The following PIK3C2G variants were observed in gnomAD, a reference collection of about 807,000 sequenced individuals.
The protein encoded by PIK3C2G is phosphatidylinositol 3-kinase C2 domain-containing subunit gamma.
In PIK3C2G, 168 loss-of-function variants were observed where a neutral mutation model predicts 181.1. The ratio of observed to expected loss-of-function variants is 0.93; its 90% confidence interval spans 0.82 to 1.05. The LOEUF (loss-of-function observed/expected upper bound fraction) is 1.05. Ranked by LOEUF, PIK3C2G falls within the 50% of genes least tolerant of loss-of-function variation. The pLI, the probability that PIK3C2G is intolerant of heterozygous loss-of-function variation, is 0.00. For synonymous variants in PIK3C2G, 573 were observed against 592.2 expected (o/e 0.97, Z 0.47); for missense variants, 1,869 against 1,732.8 (o/e 1.08, Z -1.40).
intron 1 of PIK3C2G, among the ~76,000 whole-genome samples, chr12:18,277,757 T>C (rs1477191225): frequency 1.3e-5 from 2 of 152,178 alleles, no homozygotes; most frequent in Non-Finnish European, 2.9e-5. Flanking sequence ...GAATGATATT[T>C]ACACCTTTAT....
At chr12:18,586,863 T>C (rs1245022556) in intron 29 of PIK3C2G, among the ~76,000 whole-genome samples, 1 of 151,990 alleles carries the variant, frequency 6.6e-6, no homozygotes, top group Non-Finnish European at 1.5e-5. Flanking sequence ...TTCACCACAA[T>C]GAAGTAGGCT....
the PIK3C2G span, among the ~76,000 whole-genome samples, chr12:18,669,410 A>C: frequency 6.6e-6 from 1 of 152,244 alleles, no homozygotes; most frequent in Admixed American, 6.5e-5. Flanking sequence ...AATTATCCTC[A>C]CTTTAAATAA....
intron 26 of PIK3C2G, among the ~76,000 whole-genome samples, chr12:18,556,746 T>G (rs1945034772): frequency 6.6e-6 from 1 of 152,166 alleles, no homozygotes; most frequent in Non-Finnish European, 1.5e-5. Context: ...GAAATAATGT[T>G]TTGTACTGCA....
chr12:18,624,707 A>G (rs1949017988), intron 31 of PIK3C2G, among the ~76,000 whole-genome samples: 1 of 151,472 alleles, frequency 6.6e-6, no homozygotes, highest in South Asian at 2.1e-4. Flanking sequence ...TTACTGCTTC[A>G]ATCTCTTCTC....
At chr12:18,546,182 G>A in intron 25 of PIK3C2G, 141 bp from the exon 26 acceptor site, 1 of 590,538 alleles carries the variant, frequency 1.7e-6, no homozygotes, top group South Asian at 2.1e-5. Context: ...GAACTTATAT[G>A]CATTCGTGTA....
intron 1 of PIK3C2G, among the ~76,000 whole-genome samples, chr12:18,271,296 C>T (rs1253403236): frequency 6.6e-6 from 1 of 152,106 alleles, no homozygotes; most frequent in East Asian, 1.9e-4. Flanking sequence ...TTACACTTGG[C>T]TCAGCATTTT....
At chr12:18,339,220 CTTA>C (rs928561285) in intron 9 of PIK3C2G, among the ~76,000 whole-genome samples, 2 of 151,998 alleles carry the variant, frequency 1.3e-5, no homozygotes, top group African/African-American at 4.8e-5. Context: ...ATTCATTTAT[CTTA>C]TTATTAGTTT....
intron 18 of PIK3C2G, among the ~76,000 whole-genome samples, chr12:18,477,097 C>T (rs753140242): frequency 3.3e-5 from 5 of 152,036 alleles, no homozygotes; most frequent in Non-Finnish European, 5.9e-5. Context: ...TCTCTGTGTG[C>T]GTGTGCTCTC....
At chr12:18,617,287 A>T (rs56261709) in intron 31 of PIK3C2G, among the ~76,000 whole-genome samples, 4,701 of 152,188 alleles carry the variant, frequency 0.031, 80 homozygotes, top group Middle Eastern at 0.065. Context: ...GCAAATAAAC[A>T]CGTGATACAT....
chr12:18,722,784 G>A, the PIK3C2G span, among the ~76,000 whole-genome samples: 15 of 151,992 alleles, frequency 9.9e-5, no homozygotes, highest in East Asian at 2.3e-3. Flanking sequence ...TGAAGAACAA[G>A]CGAAAAGTAT....
At chr12:18,534,874 G>C (rs1018859971) in intron 24 of PIK3C2G, among the ~76,000 whole-genome samples, 2 of 151,372 alleles carry the variant, frequency 1.3e-5, no homozygotes, top group African/African-American at 4.8e-5. Context: ...GAACAGGTGG[G>C]ACTTTGGTAA....
chr12:18,516,688 A>G (rs551105775), intron 24 of PIK3C2G, among the ~76,000 whole-genome samples: 2 of 151,784 alleles, frequency 1.3e-5, no homozygotes, highest in East Asian at 3.9e-4. Flanking sequence ...CTGATTGGGT[A>G]ATTTCACATA....
chr12:18,665,170 TA>T, the PIK3C2G span, among the ~76,000 whole-genome samples: 11 of 148,106 alleles, frequency 7.4e-5, no homozygotes, highest in African/African-American at 1.2e-4. Flanking sequence ...TAATAAAAAA[TA>T]AAAAAAAATT....
At chr12:18,711,032 A>C in the PIK3C2G span, among the ~76,000 whole-genome samples, 1 of 152,038 alleles carries the variant, frequency 6.6e-6, no homozygotes, top group African/African-American at 2.4e-5. Context: ...TCCCATTACT[A>C]GGTATATACC....
chr12:18,499,285 C>A (rs1048854380), intron 22 of PIK3C2G, among the ~76,000 whole-genome samples: 3 of 152,150 alleles, frequency 2.0e-5, no homozygotes, highest in Non-Finnish European at 4.4e-5. Context: ...AAATAGAGAT[C>A]ATTAAAACAA....
chr12:18,563,528 C>T (rs2136338653), intron 28 of PIK3C2G, 30 bp downstream of exon 28: 1 of 1,607,850 alleles, frequency 6.2e-7, no homozygotes, highest in East Asian at 2.2e-5. Context: ...CATTGTTTTG[C>T]CTTCAGTACT....
intron 16 of PIK3C2G, among the ~76,000 whole-genome samples, chr12:18,408,963 G>A (rs1352395740): frequency 5.9e-5 from 9 of 152,148 alleles, no homozygotes; most frequent in Non-Finnish European, 1.0e-4. Context: ...GTGTAAATTA[G>A]TTCAACCTTT....
chr12:18,391,175 T>C lies in PIK3C2G; in HGVS notation c.2049T>C (p.Asn683=), dbSNP rs1943510285. 6.2e-7 allele frequency: 1 copy of C among 1,609,114 alleles called. No individual in the cohort carries two copies. Among genetic ancestry groups the C allele is most frequent in the South Asian group, 1.1e-5 (1 of 90,536 alleles). ...WEYMKPDSEE[N]RSNLEEPLKE... The stretch of plus-strand genomic sequence containing the variant: ...ATATGAAACCTGATTCTGAAGAGAA[T>C]AGAAGTAATCTTGAAGAGCCACTAA... The change falls in exon 15 of 33, where the codon AAT becomes AAC. Residue 683 remains asparagine (N), a synonymous_variant. Coordinates refer to ENST00000538779, the MANE Select transcript of PIK3C2G (RefSeq NM_001288772.2).
chr12:18,545,002 A>C (rs887319091), intron 25 of PIK3C2G, among the ~76,000 whole-genome samples: 1 of 151,808 alleles, frequency 6.6e-6, no homozygotes, highest in Non-Finnish European at 1.5e-5. Context: ...TTCCATACAT[A>C]ACCACAATGA....
Sources: gnomAD v4.1 joint callset for allele counts (sites outside exome capture counted in the v4.1 genomes callset) on GRCh38, gnomAD v4.1.1 for gene constraint, MANE v1.5 for transcripts, NCBI Gene and HGNC (gene_info 2026-07-23, HGNC 2026-07-21) for gene names.